EFHD1: variants seen among roughly 807,000 people sequenced by gnomAD.
EFHD1 encodes the protein EF-hand domain-containing protein D1.
In EFHD1, 10 loss-of-function variants were observed where a neutral mutation model predicts 17.2. The observed-to-expected ratio is 0.58, with a 90% CI of 0.36 to 0.99. The LOEUF is 0.99. Ranked by LOEUF, EFHD1 falls within the 50% of genes least tolerant of loss-of-function variation. The probability of loss-of-function intolerance (pLI) is 0.01; values close to 1 mark genes in which losing one functional copy is unlikely to be tolerated. For missense variants in EFHD1, 310 were observed against 327.5 expected (o/e 0.95, Z 0.41); for synonymous variants, 153 against 142.0 (o/e 1.08, Z -0.55).
chr2:232,611,163 A>T (rs1208469645), intron 1 of EFHD1, among the ~76,000 whole-genome samples: 2 of 152,084 alleles, frequency 1.3e-5, no homozygotes, highest in Non-Finnish European at 2.9e-5. Flanking sequence ...GGGCAACAGC[A>T]TGAGACCATG....
chr2:232,622,123 C>T, intron 1 of EFHD1, among the ~76,000 whole-genome samples: 1 of 152,176 alleles, frequency 6.6e-6, no homozygotes, highest in East Asian at 1.9e-4. Context: ...GTAGACAGCC[C>T]TACCCACTAC....
chr2:232,636,540 A>G (rs1236014322), intron 1 of EFHD1, among the ~76,000 whole-genome samples: 1 of 152,110 alleles, frequency 6.6e-6, no homozygotes, highest in African/African-American at 2.4e-5. Context: ...AAATGTGCAC[A>G]TTTGGCTGGG....
At chr2:232,608,702 G>A (rs534866929) in intron 1 of EFHD1, among the ~76,000 whole-genome samples, 6 of 152,154 alleles carry the variant, frequency 3.9e-5, no homozygotes, top group African/African-American at 9.6e-5. Flanking sequence ...AGGCGGAGGC[G>A]GGCGGAAAAT....
intron 1 of EFHD1, among the ~76,000 whole-genome samples, chr2:232,626,936 A>G (rs1694111135): frequency 6.6e-6 from 1 of 151,644 alleles, no homozygotes; most frequent in Admixed American, 6.6e-5. Flanking sequence ...CTGTAATCCC[A>G]GCACTTTGGG....
chr2:232,655,596 G>A (rs1341389351), intron 1 of EFHD1, among the ~76,000 whole-genome samples: 1 of 152,208 alleles, frequency 6.6e-6, no homozygotes, highest in Non-Finnish European at 1.5e-5. Context: ...GCCGGTTTGT[G>A]CAAGCTCTCT....
At chr2:232,638,400 C>T (rs1694358248) in intron 1 of EFHD1, 1 of 471,146 alleles carries the variant, frequency 2.1e-6, no homozygotes, top group Non-Finnish European at 4.4e-6. Context: ...TTGTCTTTTT[C>T]TTAAGAATCT....
intron 1 of EFHD1, among the ~76,000 whole-genome samples, chr2:232,612,480 A>G (rs999605401): frequency 2.0e-5 from 3 of 152,202 alleles, no homozygotes; most frequent in African/African-American, 7.2e-5. Context: ...TCAACATTTC[A>G]TCAAAGAAGA....
In EFHD1 at chr2:232,622,847, C is replaced by A. The variant is rs141213324; in HGVS notation, c.14+16674C>A. 5.2e-3 allele frequency among the ~76,000 whole-genome samples: 784 copies of A among 152,190 alleles called. 8 individuals carry two copies. Among genetic ancestry groups the A allele is most frequent in the African/African-American group, 0.017 (711 of 41,524 alleles). The stretch of plus-strand genomic sequence containing the variant: ...AGCAGCAAGTGTAAAATACACCCTA[C>A]ATTACAAAGCCTTGGCATGAGATAA... On this transcript the variant is annotated intron_variant, in intron 1 of 3. Transcript: ENST00000409613.
At chr2:232,612,802 G>A (rs975113482) in intron 1 of EFHD1, among the ~76,000 whole-genome samples, 28 of 148,272 alleles carry the variant, frequency 1.9e-4, no homozygotes, top group Non-Finnish European at 2.5e-4. Context: ...GCGTGATCTC[G>A]GCTCACTGCA....
chr2:232,617,193 C>T (rs1003051185), intron 1 of EFHD1, among the ~76,000 whole-genome samples: 1 of 152,188 alleles, frequency 6.6e-6, no homozygotes, highest in African/African-American at 2.4e-5. Flanking sequence ...AAACAAGTGT[C>T]CCCAGCAGGT....
At chr2:232,612,438 A>C (rs1574697642) in intron 1 of EFHD1, among the ~76,000 whole-genome samples, 1 of 152,332 alleles carries the variant, frequency 6.6e-6, no homozygotes, top group South Asian at 2.1e-4. Flanking sequence ...AATAAGACAA[A>C]CATCTCAACA....
chr2:232,675,817 T>C (rs998732386), intron 3 of EFHD1, among the ~76,000 whole-genome samples: 1 of 151,898 alleles, frequency 6.6e-6, no homozygotes, highest in Admixed American at 6.6e-5. Flanking sequence ...CATCACTCCA[T>C]TGGAGGAGGG....
Position 232,633,824 on chromosome 2 carries a change from CG to C in EFHD1, c.121del (p.Glu41SerfsTer15). The stretch of plus-strand genomic sequence containing the variant: ...CAGCCCCGGAGCCCAAGCCCGAGCC[CG>C]AGCCTCCCGCCCGTGCGCCCACGGC... Reference protein sequence around the residue: ...APAPEPKPEPEPPARAPTASA... With the variant: ...APAPEPKPEPXPPARAPTASA... On this transcript the variant is annotated frameshift_variant, in exon 1 of 4. Coordinates refer to ENST00000264059, the MANE Select transcript of EFHD1 (RefSeq NM_025202.4). LOFTEE classifies it high-confidence loss of function. The C allele has an allele frequency of 6.8e-7, 1 of 1,475,466 alleles. No individual in the cohort carries two copies. Among genetic ancestry groups the C allele is most frequent in the Non-Finnish European group, 8.9e-7 (1 of 1,122,626 alleles). 91.4% of individuals were successfully genotyped at this position (1,475,466 alleles called of 1,614,324 possible). A position where few individuals can be genotyped will look rare whatever the true frequency, so the allele number is the denominator to read the frequency against.
chr2:232,648,607 G>A (rs1694577228), intron 1 of EFHD1, among the ~76,000 whole-genome samples: 1 of 152,086 alleles, frequency 6.6e-6, no homozygotes, highest in African/African-American at 2.4e-5. Flanking sequence ...CCCCAGGAGG[G>A]CCCCTGGGAA....
chr2:232,680,100 C>G (rs1253858447), intron 3 of EFHD1, among the ~76,000 whole-genome samples: 1 of 152,022 alleles, frequency 6.6e-6, no homozygotes, highest in African/African-American at 2.4e-5. Flanking sequence ...TGGTAAAACC[C>G]TGTCTCTACT....
At chr2:232,642,151 G>C (rs903529411) in intron 1 of EFHD1, among the ~76,000 whole-genome samples, 1 of 152,072 alleles carries the variant, frequency 6.6e-6, no homozygotes, top group Non-Finnish European at 1.5e-5. Flanking sequence ...TTGGGAGGCC[G>C]AGGTGGGTGG....
rs144201232 is a variant in EFHD1 at position 232,660,130 on chromosome 2, A to G, written c.303-2672A>G. ...CAGATCCAAACCAGATCAGTGAGGA[A>G]GCCTGATTTACTTATTTTAATTTTT... On this transcript the variant is annotated intron_variant, in intron 1 of 3. Transcript: ENST00000264059. 5.6e-4 allele frequency among the ~76,000 whole-genome samples: 85 copies of G among 152,308 alleles called. No individual in the cohort carries two copies. The East Asian group carries it at 6.2e-3, about 11-fold the overall frequency.
chr2:232,630,053 G>A (rs1043535516), upstream of EFHD1, among the ~76,000 whole-genome samples: 15 of 152,050 alleles, frequency 9.9e-5, no homozygotes, highest in African/African-American at 3.4e-4. Flanking sequence ...AGGTTCAAGC[G>A]ATTCTCCCAC....
intron 1 of EFHD1, among the ~76,000 whole-genome samples, chr2:232,634,275 A>G (rs895377856): frequency 6.6e-6 from 1 of 150,474 alleles, no homozygotes; most frequent in Non-Finnish European, 1.5e-5. Flanking sequence ...AGGTCCCCCA[A>G]CCCCGACCAC....
Sources: allele counts gnomAD v4.1 joint callset (sites outside exome capture counted in the v4.1 genomes callset), GRCh38; gene constraint gnomAD v4.1.1; transcripts MANE v1.5; gene names NCBI Gene and HGNC (gene_info 2026-07-23, HGNC 2026-07-21).